Variants in TMEM255B observed in about 807,000 individuals in gnomAD.
TMEM255B encodes transmembrane protein 255B.
In TMEM255B, 35 loss-of-function variants were observed where a neutral mutation model predicts 34.5. The observed-to-expected ratio is 1.01, with a 90% CI of 0.77 to 1.34. The LOEUF is 1.34. Ranked by LOEUF, TMEM255B falls within the 40% of genes most tolerant of loss-of-function variation. The pLI is 0.00. For synonymous variants in TMEM255B, 206 were observed against 201.2 expected (o/e 1.02, Z -0.20); for missense variants, 432 against 433.2 (o/e 1.00, Z 0.02).
chr13:113,810,462 A>G (rs1301141916), intron 8 of TMEM255B, among the ~76,000 whole-genome samples: 3 of 152,166 alleles, frequency 2.0e-5, no homozygotes, highest in Non-Finnish European at 4.4e-5. Flanking sequence ...GGGTGGGTCT[A>G]TGTGTGTTAG....
At chr13:113,811,166 G>C (rs1350791137) in intron 8 of TMEM255B, among the ~76,000 whole-genome samples, 1 of 140,404 alleles carries the variant, frequency 7.1e-6, no homozygotes. Flanking sequence ...CCGTGAGAGT[G>C]GTCCTGGGTC....
At chr13:113,796,287 C>T (rs111164479) in intron 4 of TMEM255B, among the ~76,000 whole-genome samples, 54,345 of 144,856 alleles carry the variant, frequency 0.38, 11,769 homozygotes, top group East Asian at 0.71. Context: ...ACAGAGCACA[C>T]GCCTCACACA....
chr13:113,771,261 T>G (rs368474818), intron 3 of TMEM255B, among the ~76,000 whole-genome samples: 331 of 152,288 alleles, frequency 2.2e-3, no homozygotes, highest in African/African-American at 7.6e-3. Context: ...CTCTGTAGAT[T>G]CCTACTCTGG....
At chr13:113,798,606 G>GGTGGACA (rs2050985046) in intron 4 of TMEM255B, among the ~76,000 whole-genome samples, 1 of 151,552 alleles carries the variant, frequency 6.6e-6, no homozygotes, top group Non-Finnish European at 1.5e-5. Context: ...ATGGATGGAT[G>GGTGGACA]GATGGAAGGA....
intron 3 of TMEM255B, among the ~76,000 whole-genome samples, chr13:113,786,387 C>T (rs1407748592): frequency 6.6e-6 from 1 of 152,010 alleles, no homozygotes; most frequent in Non-Finnish European, 1.5e-5. Flanking sequence ...ATCACCGTCA[C>T]CATCGTCACC....
intron 3 of TMEM255B, among the ~76,000 whole-genome samples, chr13:113,784,430 C>T (rs145142585): frequency 1.7e-3 from 265 of 152,136 alleles, no homozygotes; most frequent in Middle Eastern, 3.4e-3. Flanking sequence ...TACCAGTCAG[C>T]TGGATTTGTG....
At chr13:113,782,121 A>G (rs1422478239) in intron 3 of TMEM255B, among the ~76,000 whole-genome samples, 3 of 152,190 alleles carry the variant, frequency 2.0e-5, no homozygotes, top group Admixed American at 6.5e-5. Flanking sequence ...TTTTGAAGAT[A>G]TTTTTATTTT....
intron 3 of TMEM255B, among the ~76,000 whole-genome samples, chr13:113,775,317 G>A (rs1372232627): frequency 1.3e-5 from 2 of 152,372 alleles, no homozygotes; most frequent in South Asian, 2.1e-4. Context: ...GGTCTCGGCC[G>A]CCTTCCTTGC....
chr13:113,795,609 GCACACAC>G (rs1378410231), intron 4 of TMEM255B, among the ~76,000 whole-genome samples: 51 of 113,168 alleles, frequency 4.5e-4, no homozygotes, highest in Admixed American at 3.0e-3. Context: ...AGAGCACACA[GCACACAC>G]CACACACCAC....
In TMEM255B at chr13:113,769,159, T is replaced by C; in HGVS notation, c.251T>C (p.Met84Thr). The C allele has an allele frequency of 1.9e-6, 3 of 1,614,070 alleles. No individual in the cohort carries two copies. Among genetic ancestry groups the C allele is most frequent in the Non-Finnish European group, 2.5e-6 (3 of 1,179,966 alleles). ...AACTTGGTGGAGAATAGAAGGCAAA[T>C]GGTAAGAAAGTACATGGGGTGGTGG... ...GINLVENRRQ[M>T]LVAAIVFISF... The change falls in exon 3 of 9, where the codon ATG (methionine) becomes ACG (threonine). Residue 84 changes from methionine (M) to threonine (T), a missense_variant and splice_region_variant. By Grantham distance (81) the Met-to-Thr change is moderately conservative. Transcript: ENST00000375353. This position sits in a 1 kb window ranked among gnomAD's most constrained non-coding sequence, Gnocchi z 4.2.
In TMEM255B at chr13:113,813,128, C is replaced by T. The variant is rs868160585; in HGVS notation, c.*1225C>T. On this transcript the variant is annotated 3_prime_UTR_variant, in exon 9 of 9. Transcript: ENST00000375353. ...TGTGGGGAGAGGCTTTCTCTGAACT[C>T]CTGAAGTCAGATCCTCAGGGAACCA... 1.3e-5 allele frequency: 2 copies of T among 151,020 alleles called. No homozygotes were observed. The highest frequency in any genetic ancestry group is 1.5e-5 in the Non-Finnish European group (1 of 67,756). 9.4% of individuals were successfully genotyped at this position (151,020 alleles called of 1,614,324 possible).
chr13:113,794,306 G>T (rs2050882589), intron 3 of TMEM255B, among the ~76,000 whole-genome samples: 1 of 152,112 alleles, frequency 6.6e-6, no homozygotes, highest in African/African-American at 2.4e-5. Flanking sequence ...CGCAGGACAG[G>T]TCCGAACAGA....
At chr13:113,795,583 GCA>G (rs998365086) in intron 4 of TMEM255B, among the ~76,000 whole-genome samples, 1 of 124,122 alleles carries the variant, frequency 8.1e-6, no homozygotes, top group African/African-American at 3.2e-5. Context: ...AGAGCACACA[GCA>G]CACACACCAC....
chr13:113,773,056 C>A (rs144804719), intron 3 of TMEM255B, among the ~76,000 whole-genome samples: 3 of 152,168 alleles, frequency 2.0e-5, no homozygotes, highest in African/African-American at 4.8e-5. Context: ...GTTATTTAGA[C>A]CTTCTTTAGT....
In TMEM255B at chr13:113,779,971, G is replaced by A. The variant is rs186777422; in HGVS notation, c.252+10811G>A. Among the ~76,000 whole-genome samples, 228 of 152,300 alleles carry A rather than the reference G, an allele frequency of 1.5e-3. No homozygotes were observed. In the Middle Eastern group the frequency reaches 0.017, roughly 11 times the overall value. ...GGCTTAATTATTTGTATACAGTGCA[G>A]CAAGAATAATTATTTTTCACATAGG... On this transcript the variant is annotated intron_variant, in intron 3 of 8. Transcript: ENST00000375353.
chr13:113,798,132 G>T (rs753637000), intron 4 of TMEM255B, among the ~76,000 whole-genome samples: 4 of 152,152 alleles, frequency 2.6e-5, no homozygotes, highest in Non-Finnish European at 5.9e-5. Flanking sequence ...TGGATGGGTG[G>T]ATGTGGATGA....
At chr13:113,773,784 C>A (rs1425740152) in intron 3 of TMEM255B, among the ~76,000 whole-genome samples, 1 of 152,234 alleles carries the variant, frequency 6.6e-6, no homozygotes, top group Non-Finnish European at 1.5e-5. Context: ...TCTTCATTTG[C>A]ATGGTGGCTG....
chr13:113,762,607 C>T (rs2050326835), intron 1 of TMEM255B, among the ~76,000 whole-genome samples: 1 of 152,206 alleles, frequency 6.6e-6, no homozygotes, highest in Non-Finnish European at 1.5e-5. Context: ...ATGTGTCTAA[C>T]TCTTCGCATA....
rs755645143 is a variant in TMEM255B, at chr13:113,801,651, A to C, written c.510-2A>C. On this transcript the variant is annotated splice_acceptor_variant, in intron 6 of 8. Transcript: ENST00000375353. LOFTEE classifies it high-confidence loss of function. ...TGACGCCATGGTGCCCTCTCTGTGC[A>C]GCGCAGAGCCCTCGCCCGCCTACTA... is the stretch of plus-strand genomic sequence containing the variant. 2.8e-5 allele frequency: 44 copies of C among 1,599,412 alleles called. No homozygotes were observed. The highest frequency in any genetic ancestry group is 5.1e-5 in the Admixed American group (3 of 58,620).
Sources: gnomAD v4.1 joint callset for allele counts (sites outside exome capture counted in the v4.1 genomes callset) on GRCh38, gnomAD v4.1.1 for gene constraint, Gnocchi (gnomAD v3.1) non-coding constraint, MANE v1.5 for transcripts, NCBI Gene and HGNC (gene_info 2026-07-23, HGNC 2026-07-21) for gene names.